The following TRAF3 variants were observed in gnomAD, a reference collection of about 807,000 sequenced individuals.
TRAF3 encodes TNF receptor associated factor 3.
In TRAF3, 13 loss-of-function variants were observed where a neutral mutation model predicts 62.3. The observed-to-expected ratio is 0.21, with a 90% confidence interval of 0.14 to 0.33. The LOEUF (loss-of-function observed/expected upper bound fraction) is 0.33. TRAF3 is among the 10% of genes least tolerant of loss of function. TRAF3 has a pLI of 1.00. For missense variants in TRAF3, 440 were observed against 741.8 expected (o/e 0.59, Z 4.73); for synonymous variants, 269 against 283.4 (o/e 0.95, Z 0.51).
In TRAF3 at chr14:102,905,588, C is replaced by T. The variant is rs1248621061; in HGVS notation, c.1511C>T (p.Ser504Phe). ...VTLMLMDQGS[S>F]RRHLGDAFKP... ...CTCATGCTGATGGATCAGGGGTCCT[C>T]TCGACGTCATTTGGGAGATGCATTC... Residue 504 changes from serine to phenylalanine, a missense_variant, in exon 12 of 12, where the codon TCT becomes TTT. This residue lies in a region of TRAF3 where 59 missense variants were observed against 120.9 expected (regional missense o/e 0.49). Transcript: ENST00000392745. 2 of 1,614,194 alleles carry T rather than the reference C, an allele frequency of 1.2e-6. No individual in the cohort carries two copies. The highest frequency in any genetic ancestry group is 1.7e-6 in the Non-Finnish European group (2 of 1,180,040).
intron 6 of TRAF3, 93 bp from the exon 7 acceptor site, chr14:102,886,096 A>G (rs538019110): frequency 1.8e-6 from 2 of 1,127,244 alleles, no homozygotes; most frequent in African/African-American, 1.5e-5. Context: ...GATGGTGAGC[A>G]GAGCCATTCC....
intron 1 of TRAF3, among the ~76,000 whole-genome samples, chr14:102,812,781 C>T (rs1014867719): frequency 3.3e-5 from 5 of 151,304 alleles, no homozygotes; most frequent in East Asian, 2.0e-4. Flanking sequence ...TAGCCGGGCA[C>T]GGTGGCGGGC....
At chr14:102,839,224 T>C (rs921588052) in intron 2 of TRAF3, among the ~76,000 whole-genome samples, 2 of 141,184 alleles carry the variant, frequency 1.4e-5, no homozygotes, top group South Asian at 2.3e-4. Context: ...TTTTTTTTTT[T>C]TTTTTTTTTT....
At chr14:102,879,042 G>T (rs948924990) in intron 6 of TRAF3, among the ~76,000 whole-genome samples, 1 of 152,088 alleles carries the variant, frequency 6.6e-6, no homozygotes, top group Non-Finnish European at 1.5e-5. Flanking sequence ...GGGCTTGGGG[G>T]AGAATGGGGA....
chr14:102,891,063 G>A (rs1889682918), intron 8 of TRAF3, among the ~76,000 whole-genome samples: 1 of 152,228 alleles, frequency 6.6e-6, no homozygotes, highest in Admixed American at 6.5e-5. Context: ...ATGAGCTGAA[G>A]GGATGCGGAG....
rs1469059204 is a variant in TRAF3, at chr14:102,870,270, T to C, written c.69T>C (p.Thr23=). The stretch of plus-strand genomic sequence containing the variant: ...CTAACCCGCCGCTAAAGCTGCACAC[T>C]GACCGCAGTGCTGGGACGCCAGTTT... ...LQTNPPLKLH[T]DRSAGTPVFV... is the part of the protein sequence containing the mutation. The change falls in exon 3 of 12, where the codon ACT becomes ACC. Residue 23 remains threonine (T), a synonymous_variant. Transcript: ENST00000392745. 6.2e-7 allele frequency: 1 copy of C among 1,614,100 alleles called. No individual in the cohort carries two copies. The highest frequency in any genetic ancestry group is 1.7e-5 in the Admixed American group (1 of 60,010).
chr14:102,859,836 T>C (rs1887580943), intron 2 of TRAF3, among the ~76,000 whole-genome samples: 1 of 152,206 alleles, frequency 6.6e-6, no homozygotes, highest in Admixed American at 6.5e-5. Context: ...AGTGGCTTTA[T>C]GGTGGAGCCC....
chr14:102,880,182 C>G (rs1005161219), intron 6 of TRAF3, among the ~76,000 whole-genome samples: 2 of 152,030 alleles, frequency 1.3e-5, no homozygotes, highest in African/African-American at 4.8e-5. Flanking sequence ...TTTTTGGAGT[C>G]AAGTAATTCC....
intron 10 of TRAF3, among the ~76,000 whole-genome samples, chr14:102,898,540 T>G (rs1890117730): frequency 6.6e-6 from 1 of 152,240 alleles, no homozygotes; most frequent in Non-Finnish European, 1.5e-5. Context: ...CAAGCAGCTC[T>G]GGCTGTTCAT....
rs56998347 is a variant in TRAF3, at chr14:102,839,210, C to CTTTTTTTTTTTTT, written c.-18+8754_-18+8766dup. 6.7e-4 allele frequency among the ~76,000 whole-genome samples: 60 copies of CTTTTTTTTTTTTT among 89,824 alleles called. 6 individuals carry two copies. Among genetic ancestry groups the CTTTTTTTTTTTTT allele is most frequent in the African/African-American group, 2.6e-3 (59 of 22,584 alleles). The allele number at this position is 89,824 out of a possible 152,430, so 58.9% of individuals were successfully genotyped here. On this transcript the variant is annotated intron_variant, in intron 2 of 11. Coordinates refer to ENST00000392745, the MANE Select transcript of TRAF3 (RefSeq NM_145725.3). The stretch of plus-strand genomic sequence containing the variant: ...GAGAGATGCTTATTGGTTGATTTGC[C>CTTTTTTTTTTTTT]TTTTTTTTTTTTTTTTTTTTTTTTT...
At chr14:102,888,553 A>G (rs977973534) in intron 7 of TRAF3, among the ~76,000 whole-genome samples, 2 of 152,170 alleles carry the variant, frequency 1.3e-5, no homozygotes, top group Admixed American at 6.5e-5. Context: ...CTCCAGGAGG[A>G]TGTGCTCTAT....
intron 1 of TRAF3, among the ~76,000 whole-genome samples, chr14:102,810,269 G>T (rs1204929033): frequency 6.6e-6 from 1 of 152,202 alleles, no homozygotes; most frequent in Non-Finnish European, 1.5e-5. Context: ...GGGCGGTGCA[G>T]TGGGAGAGAG....
At chr14:102,836,758 T>G (rs779743042) in intron 2 of TRAF3, among the ~76,000 whole-genome samples, 23 of 152,270 alleles carry the variant, frequency 1.5e-4, no homozygotes, top group Non-Finnish European at 2.8e-4. Flanking sequence ...CTTAAACTTT[T>G]AACATGACTC....
At chr14:102,805,212 A>G (rs1209148191) in intron 1 of TRAF3, among the ~76,000 whole-genome samples, 2 of 152,158 alleles carry the variant, frequency 1.3e-5, no homozygotes, top group African/African-American at 4.8e-5. Context: ...CACTCCCATC[A>G]TGGGGGAGTT....
intron 1 of TRAF3, among the ~76,000 whole-genome samples, chr14:102,790,848 A>G (rs1288987544): frequency 6.6e-6 from 1 of 151,928 alleles, no homozygotes; most frequent in African/African-American, 2.4e-5. Context: ...TGTTTTGACT[A>G]TTTGGGGCCA....
rs1209523474 is a variant in TRAF3 at position 102,878,819 on chromosome 14, GA to G, written c.570+2297del. On this transcript the variant is annotated intron_variant, in intron 6 of 11. Transcript: ENST00000392745. Reference sequence around the variant, plus strand: ...CAGTGGGGCAGCCAGAGGGTGAGGGGAAAGGCACTGGGCAGCCCAGAACTGG... The same window carrying G: ...CAGTGGGGCAGCCAGAGGGTGAGGGGAAGGCACTGGGCAGCCCAGAACTGG... 3.9e-5 allele frequency among the ~76,000 whole-genome samples: 6 copies of G among 152,254 alleles called. No homozygotes were observed. In the East Asian group the frequency reaches 1.2e-3, roughly 29 times the overall value.
At chr14:102,833,648 A>AT (rs1363051741) in intron 2 of TRAF3, among the ~76,000 whole-genome samples, 4 of 152,176 alleles carry the variant, frequency 2.6e-5, no homozygotes, top group African/African-American at 9.7e-5. Context: ...TTTAAGTTTC[A>AT]TTTTTCTCAA....
chr14:102,817,214 A>AT (rs1899591623), intron 1 of TRAF3, among the ~76,000 whole-genome samples: 1 of 151,996 alleles, frequency 6.6e-6, no homozygotes, highest in African/African-American at 2.4e-5. Context: ...ATATTTGAGA[A>AT]TTATGAAAAG....
At chr14:102,791,786 T>G (rs927786949) in intron 1 of TRAF3, among the ~76,000 whole-genome samples, 2 of 151,982 alleles carry the variant, frequency 1.3e-5, no homozygotes, top group South Asian at 4.1e-4. Context: ...CCATTGATTA[T>G]GAAGTTAGCT....
Sources: allele counts gnomAD v4.1 joint callset (sites outside exome capture counted in the v4.1 genomes callset), GRCh38; gene constraint gnomAD v4.1.1; regional missense constraint gnomAD v4.1.1; transcripts MANE v1.5; gene names NCBI Gene and HGNC (gene_info 2026-07-23, HGNC 2026-07-21).